Variants in IFIH1 observed in about 807,000 individuals in gnomAD.
The protein encoded by IFIH1 is interferon induced with helicase C domain 1.
In IFIH1, 125 loss-of-function variants were observed where a neutral mutation model predicts 107.4. The ratio of observed to expected loss-of-function variants is 1.16; its 90% CI spans 1.01 to 1.35. The LOEUF is 1.35. Among genes scored for constraint, IFIH1 ranks in the 40% most tolerant of loss-of-function variants. IFIH1 has a pLI of 0.00. For missense variants in IFIH1, 1,333 were observed against 1,213.7 expected (o/e 1.10, Z -1.46); for synonymous variants, 458 against 413.2 (o/e 1.11, Z -1.31).
At chr2:162,291,949 T>C (rs1021085754) in intron 4 of IFIH1, among the ~76,000 whole-genome samples, 3 of 151,880 alleles carry the variant, frequency 2.0e-5, no homozygotes, top group South Asian at 2.1e-4. Flanking sequence ...TCTTCAAATA[T>C]GTATTTGCCT....
At position 162,277,523 on chromosome 2, in the gene IFIH1, C is replaced by T. The variant is rs556917411; in HGVS notation, c.1936G>A (p.Asp646Asn). The T allele has an allele frequency of 1.8e-5, 28 of 1,586,620 alleles. 1 individual carries two copies. The South Asian group carries it at 3.1e-4, about 18-fold the overall frequency. ...KKFAVIEDDS[D>N]EGGDDEYCDG... ...CAATACTCATCATCACCACCCTCAT[C>T]ACTATCATCTTCTATGACTGCAAAC... The change falls in exon 10 of 16, where the codon GAT (aspartate) becomes AAT (asparagine). Residue 646 changes from aspartate to asparagine, a missense_variant. Coordinates refer to ENST00000649979, the MANE Select transcript of IFIH1 (RefSeq NM_022168.4).
At chr2:162,309,178 G>A (rs1683346508) in intron 2 of IFIH1, among the ~76,000 whole-genome samples, 1 of 152,146 alleles carries the variant, frequency 6.6e-6, no homozygotes, top group Non-Finnish European at 1.5e-5. Flanking sequence ...AGCTCTGTTT[G>A]GTTTGATGCT....
rs143902922 is a variant in IFIH1, at chr2:162,317,881, G to A, written c.427C>T (p.Leu143=). ...DVLDKCMEEE[L]LTIEDRNRIA... ...CGGTTTCTGTCTTCAATTGTCAACAGTTCCTCCTCCATGCACTTATCCAAG... is the reference window on the plus strand; with the variant it reads ...CGGTTTCTGTCTTCAATTGTCAACAATTCCTCCTCCATGCACTTATCCAAG... The change falls in exon 1 of 16, where the codon CTG becomes TTG. Residue 143 remains leucine (L), a synonymous_variant. Coordinates refer to ENST00000649979, the MANE Select transcript of IFIH1 (RefSeq NM_022168.4). 3.2e-4 allele frequency: 513 copies of A among 1,598,594 alleles called. 5 individuals carry two copies. The African/African-American group carries it at 6.1e-3, about 19-fold the overall frequency.
chr2:162,268,776 G>A (rs530419998), intron 13 of IFIH1, among the ~76,000 whole-genome samples: 18 of 152,048 alleles, frequency 1.2e-4, no homozygotes, highest in Non-Finnish European at 2.2e-4. Context: ...TTTTAGTAGA[G>A]ATGGAGTTTT....
chr2:162,278,208 T>G lies in IFIH1; in HGVS notation c.1762A>C (p.Lys588Gln). 6.2e-7 allele frequency: 1 copy of G among 1,603,238 alleles called. No individual in the cohort carries two copies. The highest frequency in any genetic ancestry group is 8.5e-7 in the Non-Finnish European group (1 of 1,177,078). ...YEQWAIQMEK[K>Q]AAKEGNRKER... Reference sequence around the variant, plus strand: ...GTTAGGTCCAAACCTAAATTACCTTTTTTTTCCATTTGAATGGCCCATTGT... The same window carrying G: ...GTTAGGTCCAAACCTAAATTACCTTGTTTTTCCATTTGAATGGCCCATTGT... Residue 588 changes from lysine to glutamine, a missense_variant, in exon 9 of 16, where the codon AAA becomes CAA. By Grantham distance (53) the Lys-to-Gln change is moderately conservative. Coordinates refer to ENST00000649979, the MANE Select transcript of IFIH1 (RefSeq NM_022168.4).
intron 14 of IFIH1, 110 bp downstream of exon 14, chr2:162,267,977 G>A (rs1690958215): frequency 2.9e-6 from 2 of 683,944 alleles, no homozygotes; most frequent in East Asian, 5.7e-5. Flanking sequence ...TAAAGGAGAG[G>A]AAGTTGTAAA....
At chr2:162,273,189 A>G (rs1156252541) in intron 12 of IFIH1, among the ~76,000 whole-genome samples, 2 of 152,184 alleles carry the variant, frequency 1.3e-5, no homozygotes, top group Admixed American at 1.3e-4. Context: ...TCAGCATAAC[A>G]CCTATGCCTA....
At chr2:162,270,577 A>T (rs992797078) in intron 13 of IFIH1, among the ~76,000 whole-genome samples, 1 of 152,106 alleles carries the variant, frequency 6.6e-6, no homozygotes, top group Admixed American at 6.5e-5. Context: ...GCCAAAGGAG[A>T]CCTAAAAATA....
At chr2:162,314,183 C>A (rs1683429083) in intron 1 of IFIH1, among the ~76,000 whole-genome samples, 1 of 152,062 alleles carries the variant, frequency 6.6e-6, no homozygotes. Flanking sequence ...TGTAACAATG[C>A]CAAATTGTAA....
At chr2:162,295,452 G>A (rs1338903139) in intron 3 of IFIH1, among the ~76,000 whole-genome samples, 1 of 151,896 alleles carries the variant, frequency 6.6e-6, no homozygotes, top group Non-Finnish European at 1.5e-5. Context: ...CAATTTGGAT[G>A]AGCCTATTTA....
intron 5 of IFIH1, among the ~76,000 whole-genome samples, chr2:162,286,069 A>G (rs1167352970): frequency 6.6e-6 from 1 of 151,896 alleles, no homozygotes; most frequent in Non-Finnish European, 1.5e-5. Context: ...ATTTTGCCCA[A>G]CTCTGGACAC....
Position 162,267,303 on chromosome 2 carries a change from T to C in IFIH1, c.2975A>G (p.Lys992Arg). Reference protein sequence around the residue: ...LKIRNFVVVFKNNSTKKQYKK... With the variant: ...LKIRNFVVVFRNNSTKKQYKK... The stretch of plus-strand genomic sequence containing the variant: ...GTATTGTTTCTTTGTTGAATTATTT[T>C]TGAAAACCACTACAAAATTCCTTAT... The change falls in exon 16 of 16, where the codon AAA (lysine) becomes AGA (arginine). Residue 992 changes from lysine (K) to arginine (R), a missense_variant. Lys to Arg is a conservative substitution (Grantham distance 26, BLOSUM62 2). Transcript: ENST00000649979. The C allele has an allele frequency of 1.9e-6, 3 of 1,612,480 alleles. No homozygotes were observed. The highest frequency in any genetic ancestry group is 2.5e-6 in the Non-Finnish European group (3 of 1,179,584).
chr2:162,267,852 T>C (rs984355653), intron 14 of IFIH1, among the ~76,000 whole-genome samples: 1 of 152,234 alleles, frequency 6.6e-6, no homozygotes, highest in African/African-American at 2.4e-5. Context: ...ATGATGAGCA[T>C]ACAAAAATAC....
rs1690944498 is a variant in IFIH1, at chr2:162,267,369, G to A, written c.2909C>T (p.Thr970Ile). ...ATCTAAGCCTTTGTGCACCATCATT[G>A]TTCCCCAAGCCTGGAAAACAAAAGA... Reference protein sequence around the residue: ...IICKCGQAWGTMMVHKGLDLP... With the variant: ...IICKCGQAWGIMMVHKGLDLP... Residue 970 changes from threonine (T) to isoleucine (I), a missense_variant, in exon 16 of 16, where the codon ACA (threonine) becomes ATA (isoleucine). Transcript: ENST00000649979. 6.2e-7 allele frequency: 1 copy of A among 1,613,840 alleles called. No individual in the cohort carries two copies. The highest frequency in any genetic ancestry group is 1.7e-5 in the Admixed American group (1 of 59,974).
chr2:162,267,648 G>A (rs1267457828), intron 14 of IFIH1, 79 bp from the exon 15 acceptor site: 4 of 1,028,118 alleles, frequency 3.9e-6, no homozygotes, highest in African/African-American at 1.5e-5. Flanking sequence ...ATTGGACCTG[G>A]AGCTCATCCG....
Position 162,277,647 on chromosome 2 carries a change from C to T in IFIH1, c.1812G>A (p.Leu604=), listed in dbSNP as rs118172671. Reference sequence around the variant, plus strand: ...TTTGTAGGGCCTCATTGTACTTCCTCAAATGTTCTGCACAAACACGTTCTT... The same window carrying T: ...TTTGTAGGGCCTCATTGTACTTCCTTAAATGTTCTGCACAAACACGTTCTT... The part of the protein sequence containing the change: ...NRKERVCAEH[L]RKYNEALQIN... Residue 604 remains leucine (L), a synonymous_variant, in exon 10 of 16, where the codon TTG becomes TTA. Transcript: ENST00000649979. The T allele has an allele frequency of 1.3e-4, 205 of 1,612,914 alleles. 2 individuals carry two copies. The East Asian group carries it at 4.1e-3, about 33-fold the overall frequency.
rs553740676 is a variant in IFIH1 at position 162,293,780 on chromosome 2, G to A, written c.770-112C>T. ...ATACAGTTCAATTCAAGTGGGGAAG[G>A]CACACCCAGACAATTATGAATAAAA... On this transcript the variant is annotated intron_variant, in intron 3 of 15. Coordinates refer to ENST00000649979, the MANE Select transcript of IFIH1 (RefSeq NM_022168.4). 70 of 595,938 alleles carry A rather than the reference G, an allele frequency of 1.2e-4. 1 individual carries two copies. Among genetic ancestry groups the A allele is most frequent in the Admixed American group, 1.1e-3 (35 of 30,986 alleles). 36.9% of individuals were successfully genotyped at this position (595,938 alleles called of 1,614,324 possible). A position where few individuals can be genotyped will look rare whatever the true frequency, so the allele number is the denominator to read the frequency against.
At chr2:162,314,138 G>A (rs1391921455) in intron 1 of IFIH1, among the ~76,000 whole-genome samples, 1 of 152,122 alleles carries the variant, frequency 6.6e-6, no homozygotes, top group African/African-American at 2.4e-5. Context: ...CTAAATTGAT[G>A]GGTGTGCCAA....
chr2:162,273,617 A>G (rs1224846808), intron 12 of IFIH1, among the ~76,000 whole-genome samples, 178 bp downstream of exon 12: 1 of 152,214 alleles, frequency 6.6e-6, no homozygotes, highest in African/African-American at 2.4e-5. Flanking sequence ...TATTATATGA[A>G]TTGACAGCAA....
Sources: gnomAD v4.1 joint callset for allele counts (sites outside exome capture counted in the v4.1 genomes callset) on GRCh38, gnomAD v4.1.1 for gene constraint, MANE v1.5 for transcripts, NCBI Gene and HGNC (gene_info 2026-07-23, HGNC 2026-07-21) for gene names.